ZNF704: variants seen among roughly 807,000 people sequenced by gnomAD.
ZNF704 encodes glucocorticoid induced gene 1.
Under a neutral mutation model 44.7 loss-of-function variants are expected in ZNF704, and 10 were observed. The observed-to-expected ratio is 0.22, with a 90% CI of 0.14 to 0.38. ZNF704 has a LOEUF of 0.38. Among genes scored for constraint, ZNF704 ranks in the 10% least tolerant of loss-of-function variants. The pLI is 1.00. For missense variants in ZNF704, 390 were observed against 545.5 expected (o/e 0.71, Z 2.84); for synonymous variants, 211 against 207.6 (o/e 1.02, Z -0.14).
chr8:80,662,085 T>G (rs1354471258), intron 6 of ZNF704, among the ~76,000 whole-genome samples: 1 of 152,156 alleles, frequency 6.6e-6, no homozygotes, highest in African/African-American at 2.4e-5. Flanking sequence ...TAGGCATCAA[T>G]TTTTAAAATA....
At chr8:80,660,660 A>C (rs1818088643) in intron 6 of ZNF704, among the ~76,000 whole-genome samples, 1 of 152,146 alleles carries the variant, frequency 6.6e-6, no homozygotes. Flanking sequence ...CTGATTTTTG[A>C]CCAAGGCGAT....
chr8:80,883,962 A>G, the ZNF704 span, among the ~76,000 whole-genome samples: 1 of 152,194 alleles, frequency 6.6e-6, no homozygotes, highest in Non-Finnish European at 1.5e-5. Context: ...AAGTACCTAA[A>G]TTAACCCCAG....
rs1282639243 is a variant in ZNF704, at chr8:80,874,142, C to T, written c.-22+429G>A. 6.8e-6 allele frequency among the ~76,000 whole-genome samples: 1 copy of T among 146,638 alleles called. No homozygotes were observed. Among genetic ancestry groups the T allele is most frequent in the Non-Finnish European group, 1.5e-5 (1 of 65,838 alleles). ...GCCGGTGGCCGCAGGGCCGGGGACT[C>T]GCGGCCGCAAGGGGCTGCAGGAGCC... On this transcript the variant is annotated intron_variant, in intron 1 of 8. Coordinates refer to ENST00000327835, the MANE Select transcript of ZNF704 (RefSeq NM_001033723.3). The surrounding 1 kb of genome is among the most constrained non-coding windows in gnomAD (Gnocchi z 4.4).
intron 2 of ZNF704, among the ~76,000 whole-genome samples, chr8:80,731,768 AAAAC>A (rs1486206518): frequency 1.3e-5 from 2 of 152,160 alleles, no homozygotes; most frequent in Non-Finnish European, 2.9e-5. Context: ...TCTCTAGAAA[AAAAC>A]AAACAAACCA....
chr8:80,820,774 T>C (rs1356477038), intron 2 of ZNF704, among the ~76,000 whole-genome samples: 1 of 152,160 alleles, frequency 6.6e-6, no homozygotes. Flanking sequence ...TGGCTGCATA[T>C]GCCTGTAGTC....
chr8:80,862,937 T>C (rs922915992), intron 1 of ZNF704, among the ~76,000 whole-genome samples: 28 of 152,044 alleles, frequency 1.8e-4, no homozygotes, highest in African/African-American at 6.5e-4. Context: ...CCTTGGGTCA[T>C]GTCAACCCTT....
chr8:80,782,509 T>A (rs1414390473), intron 2 of ZNF704, among the ~76,000 whole-genome samples: 2 of 152,114 alleles, frequency 1.3e-5, no homozygotes, highest in African/African-American at 4.8e-5. Flanking sequence ...AATTACGATG[T>A]CCAGATGAAT....
At chr8:80,872,069 A>G (rs1809262596) in intron 1 of ZNF704, among the ~76,000 whole-genome samples, 1 of 152,234 alleles carries the variant, frequency 6.6e-6, no homozygotes, top group South Asian at 2.1e-4. Flanking sequence ...TGCAATCACT[A>G]TTCAAACCAC....
intron 2 of ZNF704, among the ~76,000 whole-genome samples, chr8:80,710,543 G>A (rs1387753811): frequency 6.6e-6 from 1 of 152,130 alleles, no homozygotes; most frequent in Non-Finnish European, 1.5e-5. Context: ...CGACATGATA[G>A]TATTTGGAGA....
chr8:80,841,632 T>A (rs139792080), intron 1 of ZNF704, among the ~76,000 whole-genome samples: 279 of 152,350 alleles, frequency 1.8e-3, no homozygotes, highest in Admixed American at 3.5e-3. Context: ...AGACTTGTTC[T>A]TAGTTATAAA....
chr8:80,830,139 G>A (rs1381898203), intron 1 of ZNF704, among the ~76,000 whole-genome samples: 1 of 152,092 alleles, frequency 6.6e-6, no homozygotes, highest in Non-Finnish European at 1.5e-5. Context: ...ATATAACGTC[G>A]AGTCTTAAGA....
chr8:80,671,092 A>G (rs1818270766), intron 4 of ZNF704, among the ~76,000 whole-genome samples: 1 of 152,182 alleles, frequency 6.6e-6, no homozygotes, highest in Admixed American at 6.5e-5. Flanking sequence ...CTCCACCAGT[A>G]CAAAATTCCA....
chr8:80,682,388 A>C (rs554254909), intron 4 of ZNF704, among the ~76,000 whole-genome samples: 2 of 152,260 alleles, frequency 1.3e-5, no homozygotes, highest in Non-Finnish European at 2.9e-5. Flanking sequence ...GTTCATGGTT[A>C]AGACACATAC....
chr8:80,760,144 G>T (rs1586007884), intron 2 of ZNF704, among the ~76,000 whole-genome samples: 1 of 152,176 alleles, frequency 6.6e-6, no homozygotes, highest in Admixed American at 6.5e-5. Flanking sequence ...CTGACCCACA[G>T]ATACTACGAG....
In ZNF704 at chr8:80,641,311, G is replaced by A. The variant is rs1817739138; in HGVS notation, c.*55C>T. Reference sequence around the variant, plus strand: ...AAAAGCTCTTTCCAACACCTGCAGTGGCAGGCCAGGGCAGGAGCGGCTCAG... The same window carrying A: ...AAAAGCTCTTTCCAACACCTGCAGTAGCAGGCCAGGGCAGGAGCGGCTCAG... On this transcript the variant is annotated 3_prime_UTR_variant, in exon 9 of 9. Transcript: ENST00000327835. The A allele has an allele frequency of 4.2e-6, 5 of 1,177,210 alleles. No homozygotes were observed. Among genetic ancestry groups the A allele is most frequent in the Non-Finnish European group, 5.9e-6 (5 of 853,426 alleles). 72.9% of individuals were successfully genotyped at this position (1,177,210 alleles called of 1,614,324 possible). A position where few individuals can be genotyped will look rare whatever the true frequency, so the allele number is the denominator to read the frequency against.
At chr8:80,768,407 C>A (rs1053443579) in intron 2 of ZNF704, among the ~76,000 whole-genome samples, 122 of 152,104 alleles carry the variant, frequency 8.0e-4, no homozygotes, top group African/African-American at 2.9e-3. Flanking sequence ...TGGACACTGG[C>A]AAGTTACTGT....
In ZNF704 at chr8:80,777,523, T is replaced by C. The variant is rs963019196; in HGVS notation, c.221+43851A>G. On this transcript the variant is annotated intron_variant, in intron 2 of 8. Transcript: ENST00000327835. ...ACTAATAGTTTGTCACATTTTATTT[T>C]CTCTGTGTATCTTTATATACACACA... 2.6e-5 allele frequency among the ~76,000 whole-genome samples: 4 copies of C among 152,314 alleles called. No individual in the cohort carries two copies. The East Asian group carries it at 5.8e-4, about 22-fold the overall frequency.
At chr8:80,730,247 A>G (rs1806555836) in intron 2 of ZNF704, among the ~76,000 whole-genome samples, 1 of 152,190 alleles carries the variant, frequency 6.6e-6, no homozygotes, top group Non-Finnish European at 1.5e-5. Context: ...ACATGAAATC[A>G]TGCTGTTTAG....
chr8:80,723,777 T>C, intron 2 of ZNF704, among the ~76,000 whole-genome samples: 1 of 152,230 alleles, frequency 6.6e-6, no homozygotes, highest in East Asian at 1.9e-4. Flanking sequence ...AGAGGATTCA[T>C]GAGCAAAAAG....
Sources: gnomAD v4.1 joint callset for allele counts (sites outside exome capture counted in the v4.1 genomes callset) on GRCh38, gnomAD v4.1.1 for gene constraint, Gnocchi (gnomAD v3.1) non-coding constraint, MANE v1.5 for transcripts, NCBI Gene and HGNC (gene_info 2026-07-23, HGNC 2026-07-21) for gene names.